ERC2: variants seen among roughly 807,000 people sequenced by gnomAD.
The protein encoded by ERC2 is ELKS/RAB6-interacting/CAST family member 2.
A neutral mutation model predicts 114.8 loss-of-function variants in ERC2; 42 were observed. The observed-to-expected ratio is 0.37, with a 90% CI of 0.29 to 0.47. The LOEUF (loss-of-function observed/expected upper bound fraction) is 0.47, where lower values mean the gene tolerates loss of function less well. Ranked by LOEUF, ERC2 falls within the 20% of genes least tolerant of loss-of-function variation. The probability of loss-of-function intolerance (pLI) is 0.99; values close to 1 mark genes in which losing one functional copy is unlikely to be tolerated. For missense variants in ERC2, 939 were observed against 1,150.7 expected (o/e 0.82, Z 2.66); for synonymous variants, 454 against 425.5 (o/e 1.07, Z -0.82).
intron 17 of ERC2, among the ~76,000 whole-genome samples, chr3:55,514,539 A>G (rs539843930): frequency 3.3e-5 from 5 of 152,356 alleles, no homozygotes; most frequent in South Asian, 2.1e-4. Context: ...TTGCTGTAGC[A>G]GAAGAGAAAG....
At chr3:56,120,521 A>G (rs928056502) in intron 6 of ERC2, among the ~76,000 whole-genome samples, 1 of 152,188 alleles carries the variant, frequency 6.6e-6, no homozygotes, top group African/African-American at 2.4e-5. Flanking sequence ...AAATGAAACT[A>G]TTGAGGAGGT....
intron 17 of ERC2, among the ~76,000 whole-genome samples, chr3:55,545,124 C>G (rs906150992): frequency 3.3e-5 from 5 of 152,170 alleles, no homozygotes; most frequent in African/African-American, 7.2e-5. Flanking sequence ...ATCACCAAAC[C>G]CTGATGCTTT....
At chr3:56,091,627 G>T (rs1333719355) in intron 6 of ERC2, among the ~76,000 whole-genome samples, 1 of 152,128 alleles carries the variant, frequency 6.6e-6, no homozygotes, top group Non-Finnish European at 1.5e-5. Flanking sequence ...CTCCTGTTTC[G>T]ATGCAGCTCT....
At chr3:56,264,416 G>A (rs2053152536) in intron 3 of ERC2, among the ~76,000 whole-genome samples, 1 of 151,972 alleles carries the variant, frequency 6.6e-6, no homozygotes, top group South Asian at 2.1e-4. Flanking sequence ...GGCCAACGTG[G>A]TGAAACCCCG....
intron 17 of ERC2, among the ~76,000 whole-genome samples, chr3:55,573,653 C>T (rs1376154924): frequency 6.6e-6 from 1 of 152,048 alleles, no homozygotes; most frequent in Non-Finnish European, 1.5e-5. Context: ...GAGTCTTCCT[C>T]CTTAGTCCTC....
chr3:56,359,945 G>C (rs923745179), intron 2 of ERC2, among the ~76,000 whole-genome samples: 1 of 151,850 alleles, frequency 6.6e-6, no homozygotes, highest in Non-Finnish European at 1.5e-5. Flanking sequence ...CCTCCCCTTA[G>C]GCCCCACCTT....
At chr3:55,518,606 G>A (rs534685133) in intron 17 of ERC2, among the ~76,000 whole-genome samples, 2 of 152,254 alleles carry the variant, frequency 1.3e-5, no homozygotes, top group Non-Finnish European at 2.9e-5. Flanking sequence ...TGTTAAACGT[G>A]TTTGGCATTA....
intron 5 of ERC2, among the ~76,000 whole-genome samples, chr3:56,147,214 C>G (rs2081187423): frequency 6.6e-6 from 1 of 152,236 alleles, no homozygotes; most frequent in African/African-American, 2.4e-5. Flanking sequence ...CACCCTAGTA[C>G]TGTGCTTGCC....
chr3:55,654,557 G>A (rs889050190), intron 17 of ERC2, among the ~76,000 whole-genome samples: 1 of 152,266 alleles, frequency 6.6e-6, no homozygotes, highest in African/African-American at 2.4e-5. Context: ...TTGCAGAGTT[G>A]CCACTGGAGA....
chr3:55,845,408 G>A lies in ERC2; in HGVS notation c.2564+42981C>T, dbSNP rs1293039167. On this transcript the variant is annotated intron_variant, in intron 14 of 17. Transcript: ENST00000288221. The stretch of plus-strand genomic sequence containing the variant: ...AGTCCCAGCTGCTTGGGAGGCTGAG[G>A]CAGGAGAATGCCGTGAACCCGGGAG... 2.0e-5 allele frequency among the ~76,000 whole-genome samples: 3 copies of A among 148,102 alleles called. No homozygotes were observed. The East Asian group carries it at 6.1e-4, about 30-fold the overall frequency.
At chr3:55,810,312 T>C (rs2059665693) in intron 14 of ERC2, among the ~76,000 whole-genome samples, 1 of 152,018 alleles carries the variant, frequency 6.6e-6, no homozygotes, top group Non-Finnish European at 1.5e-5. Context: ...TCCCTCCAAA[T>C]ATTTCTATCT....
At chr3:55,652,872 A>G (rs963784448) in intron 17 of ERC2, among the ~76,000 whole-genome samples, 1 of 151,872 alleles carries the variant, frequency 6.6e-6, no homozygotes, top group Non-Finnish European at 1.5e-5. Flanking sequence ...AAAAAAAAAA[A>G]AAAAAAAAAA....
At chr3:56,330,004 A>C (rs1188813024) in intron 2 of ERC2, among the ~76,000 whole-genome samples, 1 of 151,630 alleles carries the variant, frequency 6.6e-6, no homozygotes, top group Non-Finnish European at 1.5e-5. Flanking sequence ...ATTTCCAATA[A>C]ACATATATAT....
intron 7 of ERC2, among the ~76,000 whole-genome samples, chr3:56,024,040 A>T (rs968284985): frequency 7.9e-5 from 12 of 152,324 alleles, no homozygotes; most frequent in African/African-American, 2.9e-4. Flanking sequence ...TCCAAAATTC[A>T]TTCACTAATA....
chr3:55,569,095 G>A (rs1301676987), intron 17 of ERC2, among the ~76,000 whole-genome samples: 1 of 152,128 alleles, frequency 6.6e-6, no homozygotes, highest in Non-Finnish European at 1.5e-5. Context: ...TCCAGGTAAT[G>A]TGGTTGAGGG....
At chr3:55,529,874 G>A (rs773695105) in intron 17 of ERC2, among the ~76,000 whole-genome samples, 13 of 152,192 alleles carry the variant, frequency 8.5e-5, no homozygotes, top group Non-Finnish European at 1.9e-4. Context: ...TGGCCTGGGA[G>A]ACCTGAGTTC....
chr3:55,574,522 G>T (rs1016438838), intron 17 of ERC2, among the ~76,000 whole-genome samples: 1 of 152,074 alleles, frequency 6.6e-6, no homozygotes, highest in African/African-American at 2.4e-5. Flanking sequence ...CTTGGGAAGA[G>T]CTGGGATGGG....
chr3:56,221,011 T>C (rs2049867740), intron 3 of ERC2, among the ~76,000 whole-genome samples: 1 of 152,200 alleles, frequency 6.6e-6, no homozygotes, highest in South Asian at 2.1e-4. Flanking sequence ...TTAGTATATG[T>C]GCACATATTT....
chr3:55,523,844 C>T (rs2053129703), intron 17 of ERC2, among the ~76,000 whole-genome samples: 1 of 152,186 alleles, frequency 6.6e-6, no homozygotes, highest in Non-Finnish European at 1.5e-5. Flanking sequence ...GCTTCTGCAG[C>T]AGTGATTTTC....
Sources: gnomAD v4.1 joint callset for allele counts (sites outside exome capture counted in the v4.1 genomes callset) on GRCh38, gnomAD v4.1.1 for gene constraint, MANE v1.5 for transcripts, NCBI Gene and HGNC (gene_info 2026-07-23, HGNC 2026-07-21) for gene names.